The following GATB variants were observed in gnomAD, a reference collection of about 807,000 sequenced individuals.
The protein encoded by GATB is glutamyl-tRNA amidotransferase subunit B.
GATB carries 39 observed loss-of-function variants against 62.3 expected under a neutral mutation model. That is an observed-to-expected ratio of 0.63 (90% CI 0.48 to 0.82). GATB has a LOEUF of 0.82. Ranked by LOEUF, GATB falls within the 40% of genes least tolerant of loss-of-function variation. The probability of loss-of-function intolerance (pLI) is 0.00; values close to 1 mark genes in which losing one functional copy is unlikely to be tolerated. For synonymous variants in GATB, 276 were observed against 258.9 expected, an observed-to-expected ratio of 1.07 and a Z score of -0.63; for missense variants, 670 against 684.0, an observed-to-expected ratio of 0.98 and a Z score of 0.23.
At chr4:151,699,393 A>AG (rs1453427613) in intron 9 of GATB, among the ~76,000 whole-genome samples, 1 of 151,876 alleles carries the variant, frequency 6.6e-6, no homozygotes, top group Non-Finnish European at 1.5e-5. Context: ...GTCTCAAAAA[A>AG]AAAAAAAAAA....
chr4:151,752,936 A>AT (rs984237545), intron 2 of GATB, among the ~76,000 whole-genome samples: 6 of 152,156 alleles, frequency 3.9e-5, no homozygotes, highest in African/African-American at 1.4e-4. Context: ...GGCCAGACAG[A>AT]TTTTTTTAAA....
Position 151,705,229 on chromosome 4 carries a change from T to C in GATB, c.918A>G (p.Gly306=), listed in dbSNP as rs1449462612. Residue 306 remains glycine (G), a synonymous_variant, in exon 7 of 13, where the codon GGA becomes GGG. Transcript: ENST00000263985. ...AGCGTGTTTCGTTCAGAATTTCACC[T>C]CCATTCTCAAGTTCATTGATTTGCC... ...IQRQINELEN[G]GEILNETRSF... The C allele has an allele frequency of 6.2e-7, 1 of 1,613,476 alleles. No homozygotes were observed. The highest frequency in any genetic ancestry group is 1.1e-5 in the South Asian group (1 of 91,058).
intron 8 of GATB, chr4:151,703,460 A>T (rs1348267590): frequency 1.3e-5 from 3 of 222,914 alleles, no homozygotes; most frequent in Non-Finnish European, 2.7e-5. Context: ...CGCTATCAAC[A>T]TCTCTTTTCT....
intron 6 of GATB, among the ~76,000 whole-genome samples, chr4:151,707,750 C>T (rs922938589): frequency 1.3e-5 from 2 of 152,184 alleles, no homozygotes; most frequent in Non-Finnish European, 2.9e-5. Context: ...GATGGAGAAG[C>T]CCAGCAGACA....
intron 9 of GATB, among the ~76,000 whole-genome samples, chr4:151,690,522 C>T (rs35434409): frequency 0.19 from 29,444 of 152,244 alleles, 3,695 homozygotes; most frequent in Non-Finnish European, 0.28. Context: ...CCAAATCAGA[C>T]GGGCAGAATT....
At chr4:151,686,445 T>C (rs981815787) in intron 10 of GATB, among the ~76,000 whole-genome samples, 1 of 152,060 alleles carries the variant, frequency 6.6e-6, no homozygotes, top group African/African-American at 2.4e-5. Context: ...TATCTGTCTG[T>C]CTTCACTCCC....
intron 2 of GATB, 46 bp downstream of exon 2, chr4:151,758,726 A>C (rs199873692): frequency 4.3e-6 from 6 of 1,402,294 alleles, no homozygotes; most frequent in African/African-American, 1.4e-5. Flanking sequence ...GTTCAATATA[A>C]AATAAACATT....
At chr4:151,676,429 C>T (rs550465730) in intron 11 of GATB, 15 of 152,328 alleles carry the variant, frequency 9.8e-5, no homozygotes, top group African/African-American at 2.9e-4. Flanking sequence ...TGTTTCCAGA[C>T]GTGCATGAAG....
chr4:151,682,068 A>C (rs1188710951), intron 10 of GATB, among the ~76,000 whole-genome samples: 2 of 152,334 alleles, frequency 1.3e-5, no homozygotes, highest in Middle Eastern at 6.8e-3. Flanking sequence ...GGAACACAAA[A>C]TAACTAAAAA....
At chr4:151,721,671 C>T (rs1166157739) in intron 2 of GATB, 1 of 153,750 alleles carries the variant, frequency 6.5e-6, no homozygotes, top group Non-Finnish European at 1.4e-5. Flanking sequence ...TGGTCTGCAC[C>T]AGTTCTGCCT....
chr4:151,686,228 C>A (rs570107443), intron 10 of GATB, among the ~76,000 whole-genome samples: 3 of 151,968 alleles, frequency 2.0e-5, no homozygotes, highest in Non-Finnish European at 2.9e-5. Context: ...CTCTGAGGCA[C>A]GTCCTGCCAT....
chr4:151,716,277 CTTTTTTT>C, intron 4 of GATB, 146 bp from the exon 5 acceptor site: 5 of 413,192 alleles, frequency 1.2e-5, no homozygotes, highest in Non-Finnish European at 1.2e-5. Flanking sequence ...TCCCTCCCAC[CTTTTTTT>C]TTTTTTTTTT....
intron 2 of GATB, among the ~76,000 whole-genome samples, chr4:151,742,150 G>A (rs1007829012): frequency 1.3e-5 from 2 of 150,728 alleles, no homozygotes; most frequent in African/African-American, 2.4e-5. Flanking sequence ...GTGCAGTGGC[G>A]CTATCTCGGC....
intron 2 of GATB, among the ~76,000 whole-genome samples, chr4:151,732,528 T>C (rs938442676): frequency 6.6e-6 from 1 of 151,662 alleles, no homozygotes; most frequent in Non-Finnish European, 1.5e-5. Context: ...AGCATGCTCA[T>C]TAAGAGTCAT....
chr4:151,672,816 G>A lies in GATB; in HGVS notation c.1491C>T (p.Asp497=). ...VSEKQLELMQ[D]QGALEQLCHS... The stretch of plus-strand genomic sequence containing the variant: ...GGCAGAGCTGCTCCAGTGCCCCCTG[G>A]TCCTGCATCAGTTCAAGCTGCTTTT... Residue 497 remains aspartate (D), a synonymous_variant, in exon 12 of 13, where the codon GAC becomes GAT. Coordinates refer to ENST00000263985, the MANE Select transcript of GATB (RefSeq NM_004564.3). 6.2e-7 allele frequency: 1 copy of A among 1,614,174 alleles called. No individual in the cohort carries two copies. Among genetic ancestry groups the A allele is most frequent in the Non-Finnish European group, 8.5e-7 (1 of 1,180,016 alleles).
chr4:151,737,977 G>A (rs900290533), intron 2 of GATB, among the ~76,000 whole-genome samples: 3 of 152,176 alleles, frequency 2.0e-5, no homozygotes, highest in Non-Finnish European at 1.5e-5. Context: ...CTGCTGCTGG[G>A]CAGTGCAGAA....
intron 3 of GATB, among the ~76,000 whole-genome samples, chr4:151,718,165 A>C (rs892508864): frequency 1.3e-4 from 20 of 152,212 alleles, no homozygotes; most frequent in African/African-American, 4.8e-4. Context: ...ATTTCTTACC[A>C]GTTCCCAGGA....
chr4:151,702,371 G>C (rs553627608), intron 8 of GATB, among the ~76,000 whole-genome samples: 3 of 152,158 alleles, frequency 2.0e-5, no homozygotes, highest in Non-Finnish European at 4.4e-5. Context: ...GAGGGATGAA[G>C]AGGTGGAGCA....
intron 2 of GATB, among the ~76,000 whole-genome samples, chr4:151,752,418 T>C (rs541375064): frequency 3.9e-5 from 6 of 152,278 alleles, no homozygotes; most frequent in Admixed American, 6.5e-5. Flanking sequence ...TTTTCACGAG[T>C]CTCTTATTAA....
Sources: gnomAD v4.1 joint callset for allele counts (sites outside exome capture counted in the v4.1 genomes callset) on GRCh38, gnomAD v4.1.1 for gene constraint, MANE v1.5 for transcripts, NCBI Gene and HGNC (gene_info 2026-07-23, HGNC 2026-07-21) for gene names.